The following LPAR1 variants were observed in gnomAD, a reference collection of about 807,000 sequenced individuals.
LPAR1 encodes the protein LPA receptor 1.
Under a neutral mutation model 23.8 loss-of-function variants are expected in LPAR1, and 5 were observed. That is an observed-to-expected ratio of 0.21 (90% CI 0.11 to 0.44). The LOEUF (loss-of-function observed/expected upper bound fraction) is 0.44. Ranked by LOEUF, LPAR1 falls within the 20% of genes least tolerant of loss-of-function variation. The pLI, the probability that LPAR1 is intolerant of heterozygous loss-of-function variation, is 0.99. For missense variants in LPAR1, 311 were observed against 482.8 expected, an observed-to-expected ratio of 0.64 and a Z score of 3.33; for synonymous variants, 160 against 164.7, an observed-to-expected ratio of 0.97 and a Z score of 0.22.
intron 2 of LPAR1, among the ~76,000 whole-genome samples, chr9:110,995,399 G>A (rs1210594325): frequency 3.3e-5 from 5 of 152,120 alleles, no homozygotes; most frequent in Non-Finnish European, 7.4e-5. Context: ...AATAAGACCT[G>A]TGGAATACAA....
At chr9:110,974,427 C>G (rs2096504754) in intron 2 of LPAR1, among the ~76,000 whole-genome samples, 1 of 152,164 alleles carries the variant, frequency 6.6e-6, no homozygotes, top group South Asian at 2.1e-4. Context: ...GGATACTGGG[C>G]AAATGAGGAG....
intron 2 of LPAR1, among the ~76,000 whole-genome samples, chr9:110,992,745 G>A (rs1195046285): frequency 6.6e-6 from 1 of 152,140 alleles, no homozygotes; most frequent in Non-Finnish European, 1.5e-5. Context: ...AACACTTACT[G>A]TATGATTCCA....
intron 2 of LPAR1, among the ~76,000 whole-genome samples, chr9:110,984,605 G>C (rs2096741104): frequency 6.6e-6 from 1 of 152,030 alleles, no homozygotes; most frequent in African/African-American, 2.4e-5. Flanking sequence ...CAGTGAGATT[G>C]CTGGATCATA....
rs573771463 is a variant in LPAR1 at position 110,917,060 on chromosome 9, G to A, written c.793+24361C>T. Among the ~76,000 whole-genome samples, 121 of 151,918 alleles carry A rather than the reference G, an allele frequency of 8.0e-4. 1 individual carries two copies. In the South Asian group the frequency reaches 0.014, roughly 18 times the overall value. On this transcript the variant is annotated intron_variant, in intron 5 of 5. Coordinates refer to ENST00000683809, the MANE Select transcript of LPAR1 (RefSeq NM_001351411.2). ...AAAAAACTTTAAAATGTTCTTGGCCGGGTACAGCGGCTCACGGCTGTAATC... is the reference window on the plus strand; with the variant it reads ...AAAAAACTTTAAAATGTTCTTGGCCAGGTACAGCGGCTCACGGCTGTAATC...
intron 5 of LPAR1, among the ~76,000 whole-genome samples, chr9:110,910,195 A>G (rs562755487): frequency 6.6e-6 from 1 of 152,248 alleles, no homozygotes; most frequent in South Asian, 2.1e-4. Context: ...CTCTCTTGTT[A>G]GGGGATAAAG....
intron 5 of LPAR1, among the ~76,000 whole-genome samples, chr9:110,923,542 A>C (rs2093787590): frequency 6.6e-6 from 1 of 152,234 alleles, no homozygotes; most frequent in Non-Finnish European, 1.5e-5. Flanking sequence ...GGATAGGCTA[A>C]GCTATGATGT....
At chr9:110,943,834 T>A (rs1179670340) in intron 4 of LPAR1, among the ~76,000 whole-genome samples, 7 of 139,326 alleles carry the variant, frequency 5.0e-5, no homozygotes, top group Non-Finnish European at 1.5e-5. Context: ...CACTCCAGCC[T>A]GAGTAACAAA....
chr9:110,923,547 T>C (rs546251679), intron 5 of LPAR1, among the ~76,000 whole-genome samples: 2 of 152,352 alleles, frequency 1.3e-5, no homozygotes, highest in South Asian at 2.1e-4. Flanking sequence ...GGCTAAGCTA[T>C]GATGTTCCAA....
intron 5 of LPAR1, among the ~76,000 whole-genome samples, chr9:110,923,655 G>T (rs933816393): frequency 6.6e-6 from 1 of 152,208 alleles, no homozygotes; most frequent in Non-Finnish European, 1.5e-5. Flanking sequence ...AAACATTTGT[G>T]TAATAATCTC....
chr9:110,981,570 T>G (rs1397000726), intron 2 of LPAR1, among the ~76,000 whole-genome samples: 1 of 140,512 alleles, frequency 7.1e-6, no homozygotes, highest in Admixed American at 7.6e-5. Context: ...ATTTACAAGT[T>G]TGATTTTAAA....
At chr9:110,908,560 G>A (rs968462145) in intron 5 of LPAR1, among the ~76,000 whole-genome samples, 1 of 152,154 alleles carries the variant, frequency 6.6e-6, no homozygotes, top group Non-Finnish European at 1.5e-5. Context: ...GCATTGAATG[G>A]AACATTCTGG....
chr9:111,001,684 C>A (rs1423223993), intron 2 of LPAR1, among the ~76,000 whole-genome samples: 1 of 152,138 alleles, frequency 6.6e-6, no homozygotes, highest in African/African-American at 2.4e-5. Flanking sequence ...CATTTCTGAA[C>A]CCTTCTACTG....
intron 2 of LPAR1, among the ~76,000 whole-genome samples, chr9:110,989,703 A>G (rs913726696): frequency 6.6e-6 from 1 of 152,192 alleles, no homozygotes; most frequent in African/African-American, 2.4e-5. Context: ...GACAATAGAC[A>G]AAAGCAAGAT....
intron 2 of LPAR1, among the ~76,000 whole-genome samples, chr9:110,990,847 A>G (rs1001209045): frequency 5.3e-5 from 8 of 152,154 alleles, no homozygotes; most frequent in African/African-American, 1.9e-4. Context: ...AAAAAAGGTG[A>G]GAAGATATAA....
chr9:110,899,401 G>A (rs929374151), intron 5 of LPAR1, among the ~76,000 whole-genome samples: 1 of 152,188 alleles, frequency 6.6e-6, no homozygotes, highest in African/African-American at 2.4e-5. Context: ...GCTATTTTGT[G>A]CAATGCAATG....
intron 5 of LPAR1, among the ~76,000 whole-genome samples, chr9:110,916,982 C>T (rs527867232): frequency 1.3e-5 from 2 of 149,190 alleles, no homozygotes; most frequent in Admixed American, 1.3e-4. Flanking sequence ...ATTGTAATAA[C>T]TTTGTAGTTG....
At chr9:110,960,407 C>G (rs925398166) in intron 4 of LPAR1, among the ~76,000 whole-genome samples, 1 of 152,136 alleles carries the variant, frequency 6.6e-6, no homozygotes, top group South Asian at 2.1e-4. Flanking sequence ...CATTCACAAG[C>G]ACATGCAGAG....
At chr9:110,881,814 C>A (rs1267050884) in intron 5 of LPAR1, among the ~76,000 whole-genome samples, 1 of 152,234 alleles carries the variant, frequency 6.6e-6, no homozygotes, top group Non-Finnish European at 1.5e-5. Flanking sequence ...CACTAAGTCA[C>A]TCTCCTGCTT....
chr9:110,941,244 T>C lies in LPAR1; in HGVS notation c.793+177A>G, dbSNP rs2095081059. Among the ~76,000 whole-genome samples, 1 of 152,088 alleles carries C rather than the reference T, an allele frequency of 6.6e-6. No individual in the cohort carries two copies. The highest frequency in any genetic ancestry group is 6.5e-5 in the Admixed American group (1 of 15,288). ...CCATGTTTCCCTAACGCTAATTCTA[T>C]AATTTTAGGAAGACTCATAAGCTGA... On this transcript the variant is annotated intron_variant, in intron 5 of 5. Transcript: ENST00000683809. The surrounding 1 kb of genome is among the most constrained non-coding windows in gnomAD (Gnocchi z 6.1).
Sources: gnomAD v4.1 joint callset for allele counts (sites outside exome capture counted in the v4.1 genomes callset) on GRCh38, gnomAD v4.1.1 for gene constraint, Gnocchi (gnomAD v3.1) non-coding constraint, MANE v1.5 for transcripts, NCBI Gene and HGNC (gene_info 2026-07-23, HGNC 2026-07-21) for gene names.